Variants in PTPRD observed in about 807,000 individuals in gnomAD.
The protein encoded by PTPRD is receptor-type tyrosine-protein phosphatase delta.
PTPRD carries 34 observed loss-of-function variants against 214.5 expected under a neutral mutation model. The observed-to-expected ratio is 0.16, with a 90% CI of 0.12 to 0.21. The LOEUF is 0.21. Ranked by LOEUF, PTPRD falls within the 10% of genes least tolerant of loss-of-function variation. PTPRD has a pLI of 1.00. For synonymous variants in PTPRD, 1,128 were observed against 845.7 expected (o/e 1.33, Z -5.79); for missense variants, 2,545 against 2,398.7 (o/e 1.06, Z -1.27).
At chr9:10,271,787 C>A (rs60353470) in intron 3 of PTPRD, among the ~76,000 whole-genome samples, 1,840 of 152,150 alleles carry the variant, frequency 0.012, 46 homozygotes, top group African/African-American at 0.042. Flanking sequence ...AGGTGATCCA[C>A]CCACCTCGGC....
At chr9:10,571,080 A>AT (rs1029024171) in intron 2 of PTPRD, among the ~76,000 whole-genome samples, 12 of 152,078 alleles carry the variant, frequency 7.9e-5, no homozygotes, top group Non-Finnish European at 1.5e-4. Context: ...ATAGTGAAGT[A>AT]TTTTTTAAAA....
intron 2 of PTPRD, among the ~76,000 whole-genome samples, chr9:10,549,405 GA>G (rs991326850): frequency 3.9e-5 from 6 of 151,938 alleles, no homozygotes; most frequent in African/African-American, 1.2e-4. Context: ...TGGGAAAATA[GA>G]AAAAAAATTG....
At chr9:9,137,876 A>G (rs2099853449) in intron 10 of PTPRD, among the ~76,000 whole-genome samples, 2 of 152,172 alleles carry the variant, frequency 1.3e-5, no homozygotes, top group African/African-American at 2.4e-5. Context: ...GGTCTAAATA[A>G]TATCATCTTC....
At chr9:10,467,961 A>C (rs2099005449) in intron 2 of PTPRD, among the ~76,000 whole-genome samples, 1 of 152,214 alleles carries the variant, frequency 6.6e-6, no homozygotes. Context: ...ATACCATCTG[A>C]TGCCAGTTAG....
At chr9:9,923,509 A>C (rs2083265883) in intron 5 of PTPRD, among the ~76,000 whole-genome samples, 1 of 151,948 alleles carries the variant, frequency 6.6e-6, no homozygotes, top group African/African-American at 2.4e-5. Flanking sequence ...CTCCAAACGA[A>C]ATCAGTTCCA....
At chr9:8,691,358 C>A (rs1386656541) in intron 12 of PTPRD, among the ~76,000 whole-genome samples, 6 of 150,556 alleles carry the variant, frequency 4.0e-5, no homozygotes, top group South Asian at 4.2e-4. Context: ...GTCTACAGTA[C>A]CATGTTCAGA....
intron 39 of PTPRD, among the ~76,000 whole-genome samples, chr9:8,347,929 A>G (rs1420571321): frequency 6.6e-6 from 1 of 152,152 alleles, no homozygotes; most frequent in Non-Finnish European, 1.5e-5. Flanking sequence ...CTGTTGTTTG[A>G]GCCACTCAGT....
At chr9:9,079,973 C>T (rs1214551018) in intron 10 of PTPRD, among the ~76,000 whole-genome samples, 1 of 151,964 alleles carries the variant, frequency 6.6e-6, no homozygotes, top group Non-Finnish European at 1.5e-5. Context: ...GATGAAGCTA[C>T]CAATACAATA....
At chr9:9,594,749 T>C (rs581531) in intron 7 of PTPRD, among the ~76,000 whole-genome samples, 41,957 of 151,962 alleles carry the variant, frequency 0.28, 7,275 homozygotes, top group Non-Finnish European at 0.39. Context: ...TTTGGCTATG[T>C]CGGCTTTTTG....
intron 9 of PTPRD, among the ~76,000 whole-genome samples, chr9:9,291,921 C>T (rs1951287376): frequency 1.3e-5 from 2 of 149,622 alleles, no homozygotes; most frequent in African/African-American, 4.9e-5. Flanking sequence ...AAATGAATGT[C>T]ATGTATTATA....
intron 6 of PTPRD, among the ~76,000 whole-genome samples, chr9:9,736,798 C>T (rs78256815): frequency 0.014 from 2,124 of 151,836 alleles, 52 homozygotes; most frequent in African/African-American, 0.048. Flanking sequence ...CTTTCCTTAT[C>T]GATTCACAGA....
At chr9:9,771,717 A>C (rs1280577973) in intron 5 of PTPRD, among the ~76,000 whole-genome samples, 1 of 152,208 alleles carries the variant, frequency 6.6e-6, no homozygotes, top group Admixed American at 6.5e-5. Flanking sequence ...TGACGTTTCA[A>C]TGACATTCTG....
At chr9:9,857,357 G>A (rs957472900) in intron 5 of PTPRD, among the ~76,000 whole-genome samples, 2 of 152,174 alleles carry the variant, frequency 1.3e-5, no homozygotes, top group Non-Finnish European at 2.9e-5. Flanking sequence ...GGAGGATGGA[G>A]AAGAGAACAA....
intron 43 of PTPRD, among the ~76,000 whole-genome samples, chr9:8,338,605 G>A (rs546303200): frequency 1.3e-5 from 2 of 152,200 alleles, no homozygotes; most frequent in South Asian, 4.2e-4. Context: ...AGCATGAGCT[G>A]AGAAGGTGAA....
At chr9:8,927,116 T>C (rs1305493603) in intron 11 of PTPRD, among the ~76,000 whole-genome samples, 1 of 151,796 alleles carries the variant, frequency 6.6e-6, no homozygotes, top group African/African-American at 2.4e-5. Context: ...CTTAAGAACA[T>C]AAAAAAAAGG....
At chr9:9,352,055 G>A (rs2051414178) in intron 9 of PTPRD, among the ~76,000 whole-genome samples, 1 of 151,812 alleles carries the variant, frequency 6.6e-6, no homozygotes, top group Non-Finnish European at 1.5e-5. Context: ...GAATCCTCCT[G>A]CCTTGACTTC....
intron 9 of PTPRD, among the ~76,000 whole-genome samples, chr9:9,320,295 A>C (rs1305145936): frequency 6.6e-6 from 1 of 152,032 alleles, no homozygotes; most frequent in Admixed American, 6.6e-5. Flanking sequence ...CATAGACAAT[A>C]CGGAGAAGAA....
chr9:8,349,783 T>A (rs553648794), intron 39 of PTPRD, among the ~76,000 whole-genome samples: 1 of 152,250 alleles, frequency 6.6e-6, no homozygotes, highest in African/African-American at 2.4e-5. Flanking sequence ...TTAAATGGAG[T>A]CTAGCATTAT....
intron 3 of PTPRD, among the ~76,000 whole-genome samples, chr9:10,337,272 A>C (rs2096860007): frequency 6.6e-6 from 1 of 151,744 alleles, no homozygotes; most frequent in Non-Finnish European, 1.5e-5. Context: ...TTTTATAATA[A>C]ATTCCAAATA....
Sources: allele counts gnomAD v4.1 joint callset (sites outside exome capture counted in the v4.1 genomes callset), GRCh38; gene constraint gnomAD v4.1.1; transcripts MANE v1.5; gene names NCBI Gene and HGNC (gene_info 2026-07-23, HGNC 2026-07-21).